GRHL2: variants seen among roughly 807,000 people sequenced by gnomAD.
GRHL2 encodes the protein grainyhead like transcription factor 2.
A neutral mutation model predicts 83.8 loss-of-function variants in GRHL2; 21 were observed. The ratio of observed to expected loss-of-function variants is 0.25; its 90% confidence interval spans 0.18 to 0.36. The LOEUF is 0.36. Among genes scored for constraint, GRHL2 ranks in the 10% least tolerant of loss-of-function variants. The probability of loss-of-function intolerance (pLI) is 1.00; values close to 1 mark genes in which losing one functional copy is unlikely to be tolerated. For missense variants in GRHL2, 623 were observed against 781.8 expected (o/e 0.80, Z 2.42); for synonymous variants, 280 against 278.9 (o/e 1.00, Z -0.04).
chr8:101,588,398 AC>A (rs1812211046), intron 7 of GRHL2, among the ~76,000 whole-genome samples: 1 of 152,238 alleles, frequency 6.6e-6, no homozygotes, highest in Non-Finnish European at 1.5e-5. Flanking sequence ...AAGTAAAAGT[AC>A]ACAGGACTAG....
intron 14 of GRHL2, among the ~76,000 whole-genome samples, chr8:101,655,820 T>A (rs760955426): frequency 2.6e-5 from 4 of 152,230 alleles, no homozygotes; most frequent in Non-Finnish European, 5.9e-5. Context: ...GTGATGGTGG[T>A]AGTGAGATGA....
At chr8:101,654,519 T>A (rs1189082869) in intron 14 of GRHL2, among the ~76,000 whole-genome samples, 1 of 152,196 alleles carries the variant, frequency 6.6e-6, no homozygotes, top group Non-Finnish European at 1.5e-5. Flanking sequence ...CTCAGCCAGG[T>A]GTTATTTAGG....
chr8:101,625,617 G>A (rs1173296746), intron 9 of GRHL2, among the ~76,000 whole-genome samples: 1 of 152,062 alleles, frequency 6.6e-6, no homozygotes, highest in Non-Finnish European at 1.5e-5. Context: ...CTGTGGCAAG[G>A]AGATAAATGG....
At position 101,587,179 on chromosome 8, in the gene GRHL2, G is replaced by A. The variant is rs75520939; in HGVS notation, c.1003+9660G>A. On this transcript the variant is annotated intron_variant, in intron 7 of 15. Coordinates refer to ENST00000646743, the MANE Select transcript of GRHL2 (RefSeq NM_024915.4). Reference sequence around the variant, plus strand: ...TCGTCATTTTCCTTCACTGCTCCTCGGAACTCAGTTTATCTGGTTCCAGCA... The same window carrying A: ...TCGTCATTTTCCTTCACTGCTCCTCAGAACTCAGTTTATCTGGTTCCAGCA... 2.1e-3 allele frequency among the ~76,000 whole-genome samples: 321 copies of A among 152,210 alleles called. 5 individuals carry two copies. The East Asian group carries it at 0.053, about 25-fold the overall frequency.
chr8:101,541,152 GT>G (rs1811146188), intron 1 of GRHL2, among the ~76,000 whole-genome samples: 1 of 8,672 alleles, frequency 1.2e-4, no homozygotes, highest in African/African-American at 2.5e-4. Context: ...TTCATGGTGT[GT>G]GTGTGTGTGT....
intron 9 of GRHL2, among the ~76,000 whole-genome samples, chr8:101,621,585 G>A (rs1483847820): frequency 6.6e-6 from 1 of 152,046 alleles, no homozygotes; most frequent in African/African-American, 2.4e-5. Flanking sequence ...AGAAAATACA[G>A]ATACAGAAGA....
At position 101,543,280 on chromosome 8, in the gene GRHL2, C is replaced by A; in HGVS notation, c.60C>A (p.Asp20Glu). Residue 20 changes from aspartate to glutamate, a missense_variant, in exon 2 of 16, where the codon GAC (aspartate) becomes GAA (glutamate). By Grantham distance (45) the Asp-to-Glu change is conservative (BLOSUM62 2). Around this residue, in one of 8 missense-constraint regions of GRHL2, gnomAD observed 39 missense variants for 34.8 expected, o/e 1.12. Transcript: ENST00000646743. ...TGGCCTTAGTGCCCATGCCCAGTGA[C>A]CCTCCATTCAATACCCGAAGAGCCT... is the stretch of plus-strand genomic sequence containing the variant. ...RLVALVPMPSDPPFNTRRAYT... is the reference protein window; with the variant it reads ...RLVALVPMPSEPPFNTRRAYT... 1.2e-6 allele frequency: 2 copies of A among 1,614,018 alleles called. No homozygotes were observed. The highest frequency in any genetic ancestry group is 2.2e-5 in the East Asian group (1 of 44,872).
At chr8:101,643,850 G>A (rs1245926143) in intron 12 of GRHL2, among the ~76,000 whole-genome samples, 3 of 152,202 alleles carry the variant, frequency 2.0e-5, no homozygotes, top group Admixed American at 6.5e-5. Context: ...GGTGTAGGAC[G>A]GAGTGGGTAA....
intron 14 of GRHL2, among the ~76,000 whole-genome samples, chr8:101,657,717 A>G (rs538401941): frequency 4.3e-4 from 65 of 151,910 alleles, no homozygotes; most frequent in African/African-American, 1.5e-3. Context: ...GCGGGCGCCT[A>G]TAGTCCCAGC....
At chr8:101,597,784 A>G (rs962920697) in intron 7 of GRHL2, among the ~76,000 whole-genome samples, 2 of 152,082 alleles carry the variant, frequency 1.3e-5, no homozygotes, top group African/African-American at 4.8e-5. Context: ...TACATATGTA[A>G]CAAACCTGCA....
chr8:101,652,401 GGTGTGTGTGTGGT>G (rs1813662555), intron 14 of GRHL2, among the ~76,000 whole-genome samples: 1 of 62,292 alleles, frequency 1.6e-5, no homozygotes, highest in African/African-American at 9.3e-5. Flanking sequence ...GTGTGTGTCT[GGTGTGTGTGTGGT>G]GTGTGTGTGT....
intron 1 of GRHL2, among the ~76,000 whole-genome samples, chr8:101,524,120 G>A (rs1444001237): frequency 6.6e-5 from 10 of 152,130 alleles, no homozygotes; most frequent in African/African-American, 2.4e-4. Flanking sequence ...AATCACTTTG[G>A]ATTGTTTATA....
At chr8:101,514,747 A>G (rs900523482) in intron 1 of GRHL2, among the ~76,000 whole-genome samples, 1 of 152,162 alleles carries the variant, frequency 6.6e-6, no homozygotes, top group African/African-American at 2.4e-5. Flanking sequence ...TTTTTCAGGT[A>G]GTGACTTATT....
chr8:101,565,996 C>G (rs1163339001), intron 4 of GRHL2, among the ~76,000 whole-genome samples: 1 of 152,150 alleles, frequency 6.6e-6, no homozygotes, highest in African/African-American at 2.4e-5. Context: ...GATCCTGGAT[C>G]TAAACCCTAT....
intron 1 of GRHL2, among the ~76,000 whole-genome samples, chr8:101,493,687 C>G (rs1212326774): frequency 1.3e-5 from 2 of 152,050 alleles, no homozygotes; most frequent in Non-Finnish European, 2.9e-5. Flanking sequence ...CTGCGTGGGG[C>G]GCGCCGAGCC....
At chr8:101,567,074 T>C (rs1462053496) in intron 4 of GRHL2, among the ~76,000 whole-genome samples, 2 of 152,224 alleles carry the variant, frequency 1.3e-5, no homozygotes, top group Non-Finnish European at 2.9e-5. Flanking sequence ...CAATTTATGA[T>C]TTCCCTACAG....
intron 2 of GRHL2, among the ~76,000 whole-genome samples, chr8:101,544,230 G>T (rs555502226): frequency 1.4e-4 from 22 of 152,188 alleles, no homozygotes; most frequent in African/African-American, 4.8e-4. Context: ...AAACATTCAG[G>T]GTTTCTAGAT....
chr8:101,494,281 C>T (rs1234209128), intron 1 of GRHL2, among the ~76,000 whole-genome samples: 1 of 152,142 alleles, frequency 6.6e-6, no homozygotes, highest in Admixed American at 6.5e-5. Context: ...GGACTAGCCT[C>T]AACATAAAGC....
rs560925794 is a variant in GRHL2, at chr8:101,644,033, G to A, written c.1518-98G>A. ...AGATCCAGTTACGGAGCATAGGGAC[G>A]GTATAAGCAAAGGGAAAGACAGAAA... On this transcript the variant is annotated intron_variant, in intron 12 of 15. Coordinates refer to ENST00000646743, the MANE Select transcript of GRHL2 (RefSeq NM_024915.4). The A allele has an allele frequency of 3.8e-5, 40 of 1,039,440 alleles. No individual in the cohort carries two copies. In the East Asian group the frequency reaches 7.1e-4, roughly 19 times the overall value. 64.4% of individuals were successfully genotyped at this position (1,039,440 alleles called of 1,614,324 possible). A position where few individuals can be genotyped will look rare whatever the true frequency, so the allele number is the denominator to read the frequency against.
Sources: allele counts gnomAD v4.1 joint callset (sites outside exome capture counted in the v4.1 genomes callset), GRCh38; gene constraint gnomAD v4.1.1; regional missense constraint gnomAD v4.1.1; transcripts MANE v1.5; gene names NCBI Gene and HGNC (gene_info 2026-07-23, HGNC 2026-07-21).